LUZP2: variants seen among roughly 807,000 people sequenced by gnomAD.
LUZP2 encodes leucine zipper protein 2.
In LUZP2, 52 loss-of-function variants were observed where a neutral mutation model predicts 51.6. The ratio of observed to expected loss-of-function variants is 1.01; its 90% CI spans 0.81 to 1.27. LUZP2 has a LOEUF of 1.27. Ranked by LOEUF, LUZP2 falls within the 50% of genes most tolerant of loss-of-function variation. LUZP2 has a pLI of 0.00. For synonymous variants in LUZP2, 154 were observed against 137.3 expected (o/e 1.12, Z -0.85); for missense variants, 436 against 395.4 (o/e 1.10, Z -0.87).
At position 24,931,840 on chromosome 11, in the gene LUZP2, CTGTTTGTTTT is replaced by C. The variant is rs377162170; in HGVS notation, c.522+17318_522+17327del. The stretch of plus-strand genomic sequence containing the variant: ...TTGTCATATCACTGGAATTGTTTTC[CTGTTTGTTTT>C]TGTTTGTTTTTGTTTTTTCTTTCAT... On this transcript the variant is annotated intron_variant, in intron 7 of 11. Transcript: ENST00000336930. Among the ~76,000 whole-genome samples the C allele has an allele frequency of 2.6e-3, 389 of 152,108 alleles. 1 individual carries two copies. Among genetic ancestry groups the C allele is most frequent in the African/African-American group, 8.0e-3 (330 of 41,490 alleles).
At chr11:24,979,815 C>T (rs1855977068) in intron 8 of LUZP2, among the ~76,000 whole-genome samples, 1 of 151,782 alleles carries the variant, frequency 6.6e-6, no homozygotes, top group Non-Finnish European at 1.5e-5. Context: ...TACATTATTA[C>T]ATCCATATTA....
intron 4 of LUZP2, among the ~76,000 whole-genome samples, chr11:24,750,308 C>T (rs932734419): frequency 1.3e-5 from 2 of 152,128 alleles, no homozygotes; most frequent in African/African-American, 2.4e-5. Context: ...CCTAGGAGGA[C>T]CTTTGTATAT....
intron 3 of LUZP2, among the ~76,000 whole-genome samples, chr11:24,736,469 GTCCTTCCTTCCTTCCTTCCTTCCTTCCT>G (rs61318393): frequency 1.4e-5 from 2 of 146,300 alleles, no homozygotes; most frequent in Admixed American, 6.9e-5. Flanking sequence ...TAACATGTAG[GTCCTTCCTTCCTTCCTTCCTTCCTTCCT>G]TCCTTCCTTC....
At chr11:24,768,673 T>C (rs907410585) in intron 5 of LUZP2, among the ~76,000 whole-genome samples, 1 of 152,114 alleles carries the variant, frequency 6.6e-6, no homozygotes, top group African/African-American at 2.4e-5. Flanking sequence ...TCACTAATCA[T>C]CACGAAAATG....
intron 1 of LUZP2, among the ~76,000 whole-genome samples, chr11:24,608,031 AGT>A (rs1211627378): frequency 1.3e-5 from 2 of 151,866 alleles, no homozygotes; most frequent in African/African-American, 4.8e-5. Context: ...TTGTATTTTT[AGT>A]AGAGACGGGG....
chr11:25,018,332 C>A (rs1266386567), intron 9 of LUZP2, among the ~76,000 whole-genome samples: 1 of 152,034 alleles, frequency 6.6e-6, no homozygotes, highest in Non-Finnish European at 1.5e-5. Flanking sequence ...CTGGGACTTC[C>A]TCCTTTCCAA....
intron 1 of LUZP2, among the ~76,000 whole-genome samples, chr11:24,655,530 G>A (rs1422122942): frequency 1.3e-5 from 2 of 152,066 alleles, no homozygotes; most frequent in Non-Finnish European, 2.9e-5. Flanking sequence ...ACTTAAGAGG[G>A]TAGTATAAAA....
chr11:24,834,124 A>G (rs528556270), intron 5 of LUZP2, among the ~76,000 whole-genome samples: 1 of 152,136 alleles, frequency 6.6e-6, no homozygotes, highest in Non-Finnish European at 1.5e-5. Context: ...CATGTGCAGA[A>G]TGTGCAGGTT....
chr11:24,983,342 T>C, intron 9 of LUZP2, 49 bp downstream of exon 9: 1 of 1,568,538 alleles, frequency 6.4e-7, no homozygotes, highest in East Asian at 2.2e-5. Context: ...AGTAATGTGT[T>C]GTCTTTAAAG....
intron 5 of LUZP2, among the ~76,000 whole-genome samples, chr11:24,897,446 C>T (rs77628589): frequency 0.045 from 6,840 of 152,128 alleles, 492 homozygotes; most frequent in African/African-American, 0.15. Context: ...ACTTCTGAGG[C>T]CAGCGAAACC....
intron 9 of LUZP2, among the ~76,000 whole-genome samples, chr11:25,007,691 G>T (rs1223405091): frequency 6.6e-6 from 1 of 152,120 alleles, no homozygotes; most frequent in Non-Finnish European, 1.5e-5. Flanking sequence ...TTCAGAGTTG[G>T]TGTTTACTGT....
At chr11:25,040,342 G>GTTTTTTTTTTTTTT (rs1491549909) in intron 9 of LUZP2, among the ~76,000 whole-genome samples, 6 of 34,028 alleles carry the variant, frequency 1.8e-4, no homozygotes, top group African/African-American at 1.4e-3. Context: ...CTTTCTTTCC[G>GTTTTTTTTTTTTTT]ATTTTTTTTT....
intron 5 of LUZP2, among the ~76,000 whole-genome samples, chr11:24,793,891 A>G (rs1181472473): frequency 6.6e-6 from 1 of 151,302 alleles, no homozygotes. Context: ...ATTTATATAC[A>G]TTTTTCTTTA....
intron 1 of LUZP2, among the ~76,000 whole-genome samples, chr11:24,556,072 A>G (rs1851861280): frequency 1.3e-5 from 2 of 152,182 alleles, no homozygotes; most frequent in Admixed American, 1.3e-4. Flanking sequence ...AATGTTTTTT[A>G]GTCTCTATAT....
chr11:24,529,549 C>G (rs1180929137), intron 1 of LUZP2, among the ~76,000 whole-genome samples: 1 of 151,004 alleles, frequency 6.6e-6, no homozygotes, highest in African/African-American at 2.4e-5. Context: ...TTGCTTTCTT[C>G]AAACAAATGC....
At chr11:24,563,990 G>C (rs949493945) in intron 1 of LUZP2, among the ~76,000 whole-genome samples, 4 of 152,136 alleles carry the variant, frequency 2.6e-5, no homozygotes, top group African/African-American at 7.2e-5. Context: ...GGAAAAGTAA[G>C]TTAGCTGCCC....
At chr11:24,633,302 T>C (rs900091763) in intron 1 of LUZP2, among the ~76,000 whole-genome samples, 5 of 151,998 alleles carry the variant, frequency 3.3e-5, no homozygotes, top group Non-Finnish European at 7.4e-5. Context: ...AATGAGGATA[T>C]ATAGGTTATT....
intron 5 of LUZP2, among the ~76,000 whole-genome samples, chr11:24,782,363 A>G (rs1849119673): frequency 6.6e-6 from 1 of 152,052 alleles, no homozygotes; most frequent in African/African-American, 2.4e-5. Flanking sequence ...CACTGATTAA[A>G]TGGTGTGCTC....
intron 7 of LUZP2, among the ~76,000 whole-genome samples, chr11:24,942,021 A>C (rs1213643172): frequency 6.6e-6 from 1 of 152,134 alleles, no homozygotes; most frequent in Non-Finnish European, 1.5e-5. Flanking sequence ...GCTTGAGTTC[A>C]TATATGTTGT....
Sources: gnomAD v4.1 joint callset for allele counts (sites outside exome capture counted in the v4.1 genomes callset) on GRCh38, gnomAD v4.1.1 for gene constraint, MANE v1.5 for transcripts, NCBI Gene and HGNC (gene_info 2026-07-23, HGNC 2026-07-21) for gene names.